Variants in NABP2 observed in about 807,000 individuals in gnomAD.
NABP2 encodes the protein nucleic acid binding protein 2.
In NABP2, 7 loss-of-function variants were observed where a neutral mutation model predicts 22.7. That is an observed-to-expected ratio of 0.31 (90% confidence interval 0.18 to 0.58). The LOEUF (loss-of-function observed/expected upper bound fraction) is 0.58, where lower values mean the gene tolerates loss of function less well. Ranked by LOEUF, NABP2 falls within the 20% of genes least tolerant of loss-of-function variation. The pLI is 0.89. For missense variants in NABP2, 188 were observed against 265.9 expected, an observed-to-expected ratio of 0.71 and a Z score of 2.04; for synonymous variants, 107 against 99.2, an observed-to-expected ratio of 1.08 and a Z score of -0.47.
intron 3 of NABP2, 31 bp downstream of exon 3, chr12:56,225,542 A>G (rs1335117874): frequency 1.2e-6 from 2 of 1,614,196 alleles, no homozygotes; most frequent in Non-Finnish European, 1.7e-6. Flanking sequence ...TGGCCTTCCA[A>G]AGGCAACAAC....
upstream of NABP2, chr12:56,224,206 G>C (rs1252463979): frequency 2.1e-6 from 1 of 479,532 alleles, no homozygotes; most frequent in African/African-American, 2.1e-5. Context: ...TTTAATACCT[G>C]AAATTCGCCC....
At chr12:56,227,415 C>T (rs1422546688) in intron 6 of NABP2, among the ~76,000 whole-genome samples, 1 of 151,800 alleles carries the variant, frequency 6.6e-6, no homozygotes, top group Non-Finnish European at 1.5e-5. Flanking sequence ...AACTTCCATG[C>T]CATTTAGGGT....
chr12:56,224,318 C>T, upstream of NABP2: 5 of 987,268 alleles, frequency 5.1e-6, no homozygotes, highest in Non-Finnish European at 6.0e-6. Flanking sequence ...GGAGGCCAGC[C>T]GGGGGAAACT....
At chr12:56,222,583 C>G (rs1274495), upstream of NABP2, among the ~76,000 whole-genome samples, 13,685 of 152,186 alleles carry the variant, frequency 0.09, 873 homozygotes, top group East Asian at 0.24. Flanking sequence ...CCTTAGCTTA[C>G]AACACCGTGG....
rs773827919 is a variant in NABP2, at chr12:56,224,843, G to A, written c.-14G>A. 13 of 1,613,180 alleles carry A rather than the reference G, an allele frequency of 8.1e-6. No homozygotes were observed. Among genetic ancestry groups the A allele is most frequent in the South Asian group, 7.7e-5 (7 of 91,058 alleles). On this transcript the variant is annotated 5_prime_UTR_variant, in exon 2 of 7. Transcript: ENST00000267023. ...TCTATTCCCCATCCAGTGGGGTGCC[G>A]AGGCTCAGGCAGCATGACGACGGAG...
chr12:56,224,977 G>C, intron 2 of NABP2, 42 bp downstream of exon 2: 1 of 1,411,562 alleles, frequency 7.1e-7, no homozygotes, highest in Admixed American at 1.7e-5. Context: ...TGGGGGTCGG[G>C]GGCAGGAGGG....
chr12:56,229,087 T>TTGCCAGCCC lies in NABP2; in HGVS notation c.510_511insTGCCAGCCC (p.Thr170_Pro171insCysGlnPro). The TTGCCAGCCC allele has an allele frequency of 1.3e-6, 2 of 1,512,346 alleles. No homozygotes were observed. Among genetic ancestry groups the TTGCCAGCCC allele is most frequent in the Non-Finnish European group, 1.8e-6 (2 of 1,102,014 alleles). 93.7% of individuals were successfully genotyped at this position (1,512,346 alleles called of 1,614,324 possible). On this transcript the variant is annotated inframe_insertion, in exon 7 of 7. Transcript: ENST00000267023. ...GTGGTGGCCCACATCCCCCTCATAC[T>TTGCCAGCCC]CCCTCCCACCCACCCAGCACCCGAA...
chr12:56,225,353 G>C lies in NABP2; in HGVS notation c.80-20G>C, dbSNP rs1239607075. On this transcript the variant is annotated intron_variant, in intron 2 of 6. Transcript: ENST00000267023. ...ATTTATTTGACCATCCTCCCACCTC[G>C]ATTTATCTGTTCCGTTCAGGCCGAG... 1 of 1,613,896 alleles carries C rather than the reference G, an allele frequency of 6.2e-7. No homozygotes were observed. The highest frequency in any genetic ancestry group is 8.5e-7 in the Non-Finnish European group (1 of 1,179,878).
In NABP2 at chr12:56,224,401, G is replaced by A. The variant is rs1869660249; in HGVS notation, c.-64G>A. 1.0e-6 allele frequency: 1 copy of A among 992,064 alleles called. No homozygotes were observed. Among genetic ancestry groups the A allele is most frequent in the Non-Finnish European group, 1.2e-6 (1 of 832,620 alleles). 61.5% of individuals were successfully genotyped at this position (992,064 alleles called of 1,614,324 possible). A position where few individuals can be genotyped will look rare whatever the true frequency, so the allele number is the denominator to read the frequency against. On this transcript the variant is annotated 5_prime_UTR_variant, in exon 1 of 7. Transcript: ENST00000267023. ...CAGCGGAGCCTGTGGCTCCCCCTGC[G>A]GGCTGCTCAGCGGCGTGCACAGTCC... is the stretch of plus-strand genomic sequence containing the variant.
At chr12:56,228,677 C>T (rs1203253698) in intron 6 of NABP2, among the ~76,000 whole-genome samples, 1 of 152,158 alleles carries the variant, frequency 6.6e-6, no homozygotes, top group Non-Finnish European at 1.5e-5. Context: ...TGAGCCACCA[C>T]GCCTGGCCCA....
chr12:56,229,087 T>TTGCCCCACC lies in NABP2; in HGVS notation c.510_511insTGCCCCACC (p.Thr170_Pro171insCysProThr). On this transcript the variant is annotated inframe_insertion, in exon 7 of 7. Coordinates refer to ENST00000267023, the MANE Select transcript of NABP2 (RefSeq NM_024068.4). ...GTGGTGGCCCACATCCCCCTCATACTCCCTCCCACCCACCCAGCACCCGAA... is the reference window on the plus strand; with the variant it reads ...GTGGTGGCCCACATCCCCCTCATACTTGCCCCACCCCCTCCCACCCACCCAGCACCCGAA... 6 of 1,512,324 alleles carry TTGCCCCACC rather than the reference T, an allele frequency of 4.0e-6. No homozygotes were observed. Among genetic ancestry groups the TTGCCCCACC allele is most frequent in the Non-Finnish European group, 5.4e-6 (6 of 1,101,994 alleles). 93.7% of individuals were successfully genotyped at this position (1,512,324 alleles called of 1,614,324 possible).
intron 6 of NABP2, 138 bp downstream of exon 6, chr12:56,226,557 CTTTTT>C (rs10676451): frequency 6.6e-4 from 178 of 271,684 alleles, no homozygotes; most frequent in East Asian, 1.8e-3. Context: ...TCCCAGACCC[CTTTTT>C]TTTTTTTTTT....
intron 4 of NABP2, among the ~76,000 whole-genome samples, chr12:56,225,912 A>C (rs1175272277): frequency 6.6e-6 from 1 of 152,080 alleles, no homozygotes; most frequent in African/African-American, 2.4e-5. Context: ...TGATCCTCCC[A>C]CATCAGCCTC....
chr12:56,224,772 G>T, intron 1 of NABP2, 62 bp from the exon 2 acceptor site: 2 of 1,434,282 alleles, frequency 1.4e-6, no homozygotes, highest in Non-Finnish European at 9.8e-7. Flanking sequence ...TAGGCCTTGG[G>T]AAGTGGAGCA....
At chr12:56,227,590 A>G (rs1452018189) in intron 6 of NABP2, among the ~76,000 whole-genome samples, 3 of 152,240 alleles carry the variant, frequency 2.0e-5, no homozygotes, top group Admixed American at 1.3e-4. Flanking sequence ...GTTAAGTTCA[A>G]TGACAGTGGT....
rs779945219 is a variant in NABP2 at position 56,224,946 on chromosome 12, T to C, written c.79+11T>C. 13 of 1,416,232 alleles carry C rather than the reference T, an allele frequency of 9.2e-6. No homozygotes were observed. In the South Asian group the frequency reaches 1.4e-4, roughly 15 times the overall value. 87.7% of individuals were successfully genotyped at this position (1,416,232 alleles called of 1,614,324 possible). A position where few individuals can be genotyped will look rare whatever the true frequency, so the allele number is the denominator to read the frequency against. ...TTGTGCTGGAGACAGGTGTCTATAC[T>C]GGGGTGGCGGGTTCGCGGGATGGGG... is the stretch of plus-strand genomic sequence containing the variant. On this transcript the variant is annotated intron_variant, in intron 2 of 6. Coordinates refer to ENST00000267023, the MANE Select transcript of NABP2 (RefSeq NM_024068.4).
chr12:56,229,087 T>TTGGGGCCCC lies in NABP2; in HGVS notation c.510_511insTGGGGCCCC (p.Thr170_Pro171insTrpGlyPro). ...GTGGTGGCCCACATCCCCCTCATAC[T>TTGGGGCCCC]CCCTCCCACCCACCCAGCACCCGAA... On this transcript the variant is annotated inframe_insertion, in exon 7 of 7. Transcript: ENST00000267023. 3 of 1,512,340 alleles carry TTGGGGCCCC rather than the reference T, an allele frequency of 2.0e-6. No homozygotes were observed. Among genetic ancestry groups the TTGGGGCCCC allele is most frequent in the Non-Finnish European group, 2.7e-6 (3 of 1,102,008 alleles). 93.7% of individuals were successfully genotyped at this position (1,512,340 alleles called of 1,614,324 possible). A position where few individuals can be genotyped will look rare whatever the true frequency, so the allele number is the denominator to read the frequency against.
At position 56,229,085 on chromosome 12, in the gene NABP2, A is replaced by ACCCCCCC; in HGVS notation, c.509_510insCCCCCCC (p.Ser172ProfsTer31). 6.3e-7 allele frequency: 1 copy of ACCCCCCC among 1,587,624 alleles called. No individual in the cohort carries two copies. Among genetic ancestry groups the ACCCCCCC allele is most frequent in the Non-Finnish European group, 8.6e-7 (1 of 1,161,578 alleles). On this transcript the variant is annotated frameshift_variant, in exon 7 of 7. Transcript: ENST00000267023. LOFTEE classifies it high-confidence loss of function. ...CGGTGGTGGCCCACATCCCCCTCAT[A>ACCCCCCC]CTCCCTCCCACCCACCCAGCACCCG...
Position 56,229,559 on chromosome 12 carries a change from A to C in NABP2, c.*346A>C. On this transcript the variant is annotated 3_prime_UTR_variant, in exon 7 of 7. Coordinates refer to ENST00000267023, the MANE Select transcript of NABP2 (RefSeq NM_024068.4). The stretch of plus-strand genomic sequence containing the variant: ...AGACCAGCCTGACCAACATGGAGAA[A>C]CCCCGTGTCTACTAAAAATACAGAA... 8.2e-6 allele frequency: 2 copies of C among 244,496 alleles called. No homozygotes were observed. The highest frequency in any genetic ancestry group is 1.6e-5 in the Non-Finnish European group (2 of 123,956). 15.1% of individuals were successfully genotyped at this position (244,496 alleles called of 1,614,324 possible). A position where few individuals can be genotyped will look rare whatever the true frequency, so the allele number is the denominator to read the frequency against.
Sources: gnomAD v4.1 joint callset for allele counts (sites outside exome capture counted in the v4.1 genomes callset) on GRCh38, gnomAD v4.1.1 for gene constraint, MANE v1.5 for transcripts, NCBI Gene and HGNC (gene_info 2026-07-23, HGNC 2026-07-21) for gene names.